The following STK24 variants were observed in gnomAD, a reference collection of about 807,000 sequenced individuals.
STK24 encodes serine/threonine kinase 24.
Under a neutral mutation model 55.6 loss-of-function variants are expected in STK24, and 21 were observed. The ratio of observed to expected loss-of-function variants is 0.38; its 90% CI spans 0.27 to 0.54. The LOEUF is 0.54. Ranked by LOEUF, STK24 falls within the 20% of genes least tolerant of loss-of-function variation. The pLI, the probability that STK24 is intolerant of heterozygous loss-of-function variation, is 0.79. For synonymous variants in STK24, 200 were observed against 215.2 expected, an observed-to-expected ratio of 0.93 and a Z score of 0.62; for missense variants, 383 against 538.4, an observed-to-expected ratio of 0.71 and a Z score of 2.86.
At chr13:98,472,601 A>G (rs1894194788) in intron 5 of STK24, among the ~76,000 whole-genome samples, 1 of 152,208 alleles carries the variant, frequency 6.6e-6, no homozygotes, top group Admixed American at 6.5e-5. Context: ...GCAGTTGCTC[A>G]GTACAAATTT....
At position 98,489,194 on chromosome 13, in the gene STK24, C is replaced by T. The variant is rs551153961; in HGVS notation, c.274-6873G>A. On this transcript the variant is annotated intron_variant, in intron 2 of 10. Transcript: ENST00000539966. ...CTAATGTGCATGCTCCTCAGAGGGG[C>T]TTCGATGATGATGAAGTGAGGCCGT... 2.0e-5 allele frequency among the ~76,000 whole-genome samples: 3 copies of T among 152,324 alleles called. No homozygotes were observed. The South Asian group carries it at 6.2e-4, about 32-fold the overall frequency.
At chr13:98,562,087 GGAT>G (rs1460005187) in intron 1 of STK24, among the ~76,000 whole-genome samples, 1 of 152,048 alleles carries the variant, frequency 6.6e-6, no homozygotes, top group Non-Finnish European at 1.5e-5. Flanking sequence ...TGGAAATGTG[GGAT>G]GATATTTATG....
intron 1 of STK24, among the ~76,000 whole-genome samples, chr13:98,549,557 G>A (rs1257044035): frequency 2.6e-5 from 4 of 152,156 alleles, no homozygotes; most frequent in Non-Finnish European, 5.9e-5. Context: ...AGATCTGGTT[G>A]TTTAAAAGTG....
chr13:98,504,513 T>A (rs1225397486), intron 2 of STK24, among the ~76,000 whole-genome samples: 1 of 152,252 alleles, frequency 6.6e-6, no homozygotes, highest in Non-Finnish European at 1.5e-5. Context: ...GCAATCCCGC[T>A]GACAGTTTCT....
intron 1 of STK24, among the ~76,000 whole-genome samples, chr13:98,572,319 G>A (rs914433670): frequency 2.0e-5 from 3 of 151,984 alleles, no homozygotes; most frequent in Admixed American, 6.5e-5. Flanking sequence ...GGTGCTCTCC[G>A]AACCCACGTC....
At chr13:98,576,065 C>G in intron 1 of STK24, 1 of 984,968 alleles carries the variant, frequency 1.0e-6, no homozygotes, top group Non-Finnish European at 1.2e-6. Flanking sequence ...GTCCAGGGTC[C>G]CGGGGCCGGG....
At chr13:98,505,728 C>G (rs546538258) in intron 2 of STK24, among the ~76,000 whole-genome samples, 1 of 152,326 alleles carries the variant, frequency 6.6e-6, no homozygotes, top group South Asian at 2.1e-4. Flanking sequence ...CACCCAATGT[C>G]AAAACATCAA....
chr13:98,553,842 G>C (rs138175298), intron 1 of STK24: 1 of 152,040 alleles, frequency 6.6e-6, no homozygotes, highest in African/African-American at 2.4e-5. Flanking sequence ...TGGGGGGATC[G>C]TCTGAGGTCA....
At chr13:98,560,457 C>G (rs1897389084) in intron 1 of STK24, among the ~76,000 whole-genome samples, 1 of 152,200 alleles carries the variant, frequency 6.6e-6, no homozygotes, top group African/African-American at 2.4e-5. Flanking sequence ...ACTTATCCTG[C>G]AAATCTCCTT....
chr13:98,483,597 G>A (rs1894689199), intron 2 of STK24, among the ~76,000 whole-genome samples: 1 of 152,124 alleles, frequency 6.6e-6, no homozygotes, highest in Non-Finnish European at 1.5e-5. Flanking sequence ...CCGCAAGTCA[G>A]GAAAATGCTT....
chr13:98,542,264 G>A (rs1896909536), intron 1 of STK24, among the ~76,000 whole-genome samples: 1 of 152,158 alleles, frequency 6.6e-6, no homozygotes, highest in African/African-American at 2.4e-5. Flanking sequence ...AATAAGCAAC[G>A]TTTTGGAAGG....
intron 9 of STK24, among the ~76,000 whole-genome samples, chr13:98,459,159 GCA>G (rs1893593587): frequency 6.6e-6 from 1 of 152,196 alleles, no homozygotes; most frequent in African/African-American, 2.4e-5. Context: ...GGCCGCAGGA[GCA>G]CAGCCTGGAA....
intron 1 of STK24, among the ~76,000 whole-genome samples, chr13:98,567,255 C>T (rs954904915): frequency 1.3e-5 from 2 of 152,234 alleles, no homozygotes; most frequent in Non-Finnish European, 2.9e-5. Flanking sequence ...AACACATGGC[C>T]ACTGGGACAG....
intron 8 of STK24, among the ~76,000 whole-genome samples, chr13:98,461,139 G>A (rs1321089329): frequency 1.3e-5 from 2 of 151,980 alleles, no homozygotes; most frequent in African/African-American, 2.4e-5. Flanking sequence ...CATTCCAATG[G>A]CTGTCTAGGA....
intron 1 of STK24, among the ~76,000 whole-genome samples, chr13:98,538,596 T>C (rs1437280247): frequency 3.3e-5 from 5 of 152,174 alleles, no homozygotes; most frequent in Non-Finnish European, 5.9e-5. Context: ...CAAGGGGAGT[T>C]TGTGAGCTCA....
rs766331416 is a variant in STK24, at chr13:98,463,770, A to G, written c.850T>C (p.Leu284=). Residue 284 remains leucine, a synonymous_variant, in exon 7 of 11, where the codon TTG becomes CTG. Transcript: ENST00000539966. ...TTGTACCTGTCGATGAGCTCGGTCA[A>G]GTAGGAAGTTTTCTTTGCATTGCGT... ...ILRNAKKTSY[L]TELIDRYKRW... is the part of the protein sequence containing the mutation. The G allele has an allele frequency of 6.2e-7, 1 of 1,614,198 alleles. No individual in the cohort carries two copies. The highest frequency in any genetic ancestry group is 1.1e-5 in the South Asian group (1 of 91,080).
At chr13:98,539,146 C>T (rs1675460095) in intron 1 of STK24, among the ~76,000 whole-genome samples, 1 of 152,224 alleles carries the variant, frequency 6.6e-6, no homozygotes, top group Non-Finnish European at 1.5e-5. Flanking sequence ...CGGCTCACTC[C>T]AGCTGTGCCG....
intron 2 of STK24, among the ~76,000 whole-genome samples, chr13:98,504,665 T>A (rs1041903157): frequency 2.6e-5 from 4 of 152,166 alleles, no homozygotes; most frequent in African/African-American, 4.8e-5. Context: ...CACAGCACTA[T>A]CTCAGGGGAA....
In STK24 at chr13:98,445,813, C is replaced by CAAAT. The variant is rs1228283070; in HGVS notation, c.*7356_*7359dup. On this transcript the variant is annotated 3_prime_UTR_variant, in exon 11 of 11. Coordinates refer to ENST00000539966, the MANE Select transcript of STK24 (RefSeq NM_001032296.4). ...AGTTACCCTGCAACGAGCCTATTTCCAAATAAGCCTGTGTTCTAAGGTACT... is the reference window on the plus strand; with the variant it reads ...AGTTACCCTGCAACGAGCCTATTTCCAAATAAATAAGCCTGTGTTCTAAGGTACT... 16 of 305,164 alleles carry CAAAT rather than the reference C, an allele frequency of 5.2e-5. No homozygotes were observed. Among genetic ancestry groups the CAAAT allele is most frequent in the African/African-American group, 3.1e-4 (14 of 45,522 alleles). 18.9% of individuals were successfully genotyped at this position (305,164 alleles called of 1,614,324 possible). A position where few individuals can be genotyped will look rare whatever the true frequency, so the allele number is the denominator to read the frequency against.
Sources: allele counts gnomAD v4.1 joint callset (sites outside exome capture counted in the v4.1 genomes callset), GRCh38; gene constraint gnomAD v4.1.1; transcripts MANE v1.5; gene names NCBI Gene and HGNC (gene_info 2026-07-23, HGNC 2026-07-21).